Variants in PRKAG3 observed in about 807,000 individuals in gnomAD.
PRKAG3 encodes the protein 5'-AMP-activated protein kinase subunit gamma-3.
Under a neutral mutation model 56.5 loss-of-function variants are expected in PRKAG3, and 39 were observed. That is an observed-to-expected ratio of 0.69 (90% CI 0.53 to 0.90). The LOEUF (loss-of-function observed/expected upper bound fraction) is 0.90, where lower values mean the gene tolerates loss of function less well. Ranked by LOEUF, PRKAG3 falls within the 40% of genes least tolerant of loss-of-function variation. PRKAG3 has a pLI of 0.00. For missense variants in PRKAG3, 628 were observed against 627.5 expected, an observed-to-expected ratio of 1.00 and a Z score of -0.01; for synonymous variants, 243 against 250.1, an observed-to-expected ratio of 0.97 and a Z score of 0.27.
At chr2:218,830,781 G>C in exon 3 of PRKAG3, 1 of 1,612,808 alleles carries the variant, frequency 6.2e-7, no homozygotes, top group Non-Finnish European at 8.5e-7. Context: ...TTCCTCCACC[G>C]ACTTCTGCCT....
chr2:218,827,921 C>A lies in PRKAG3; in HGVS notation c.775-43G>T. 6.2e-7 allele frequency: 1 copy of A among 1,612,384 alleles called. No individual in the cohort carries two copies. The highest frequency in any genetic ancestry group is 8.5e-7 in the Non-Finnish European group (1 of 1,178,806). On this transcript the variant is annotated intron_variant, in intron 6 of 12. Transcript: ENST00000529249. This position sits in a 1 kb window ranked among gnomAD's most constrained non-coding sequence, Gnocchi z 5.3. ...ACTCCAGAAGTCAGAAAGACGTGGG[C>A]TTCTAGGGCACCAGGCTCCAGGAGG...
At chr2:218,824,404 C>T (rs1943901342) in intron 11 of PRKAG3, 36 bp from the exon 12 acceptor site, 1 of 1,613,900 alleles carries the variant, frequency 6.2e-7, no homozygotes, top group South Asian at 1.1e-5. Context: ...CCTAGTCACC[C>T]CCTTGCCTGG....
downstream of PRKAG3, chr2:218,823,024 G>A (rs560758977): frequency 1.0e-6 from 1 of 984,652 alleles, no homozygotes; most frequent in Admixed American, 6.0e-5. Flanking sequence ...GCATGCCCGA[G>A]GGCTTCTGGG....
chr2:218,826,895 C>T, intron 10 of PRKAG3, 33 bp downstream of exon 10: 1 of 1,613,284 alleles, frequency 6.2e-7, no homozygotes, highest in Non-Finnish European at 8.5e-7. Flanking sequence ...AGGCCCCAGC[C>T]CAGCCCGAGC....
At position 218,827,706 on chromosome 2, in the gene PRKAG3, G is replaced by C; in HGVS notation, c.821-77C>G. ...TGCAGTCCCAGGCAGCTTCCCTTCC[G>C]TCAGGCACCCGAGGCTCCTATTGTC... On this transcript the variant is annotated intron_variant, in intron 7 of 12. Coordinates refer to ENST00000529249, the Ensembl canonical transcript of PRKAG3. This position sits in a 1 kb window ranked among gnomAD's most constrained non-coding sequence, Gnocchi z 5.3. 1.3e-6 allele frequency: 2 copies of C among 1,574,162 alleles called. No individual in the cohort carries two copies. The highest frequency in any genetic ancestry group is 1.7e-6 in the Non-Finnish European group (2 of 1,144,152).
chr2:218,831,457 A>G (rs1944018519), intron 1 of PRKAG3, 82 bp from the exon 2 acceptor site: 9 of 1,248,110 alleles, frequency 7.2e-6, no homozygotes, highest in Non-Finnish European at 1.0e-5. Flanking sequence ...ACGCCTACAC[A>G]CCCATGCACA....
intron 10 of PRKAG3, among the ~76,000 whole-genome samples, chr2:218,826,427 T>C (rs1943933526): frequency 6.6e-6 from 1 of 152,210 alleles, no homozygotes; most frequent in Non-Finnish European, 1.5e-5. Context: ...CGAGGTCCCA[T>C]GGCACATTTA....
In PRKAG3 at chr2:218,825,763, CTTTT is replaced by C. The variant is rs575179216; in HGVS notation, c.1168+1161_1168+1164del. Among the ~76,000 whole-genome samples the C allele has an allele frequency of 5.2e-4, 70 of 134,950 alleles. 1 individual carries two copies. The highest frequency in any genetic ancestry group is 1.8e-3 in the African/African-American group (68 of 36,926). The allele number at this position is 134,950 out of a possible 152,430, so 88.5% of individuals were successfully genotyped here. On this transcript the variant is annotated intron_variant, in intron 10 of 12. Coordinates refer to ENST00000529249, the Ensembl canonical transcript of PRKAG3. The stretch of plus-strand genomic sequence containing the variant: ...GTTTTGTTTGGTGGTATAAAATGCA[CTTTT>C]TTTTTTTTTTTTTGGAGTCTCGCTC...
chr2:218,822,910 A>G (rs1943875984), downstream of PRKAG3: 3 of 985,450 alleles, frequency 3.0e-6, no homozygotes, highest in African/African-American at 3.5e-5. Flanking sequence ...ATGGGCGGGC[A>G]TGGAGCACAG....
At chr2:218,831,762 G>T (rs60578863) in exon 1 of PRKAG3, 1 of 1,610,330 alleles carries the variant, frequency 6.2e-7, no homozygotes, top group South Asian at 1.1e-5. Context: ...GCTCCAGCCC[G>T]GGCTCCATGT....
chr2:218,828,567 C>G, exon 5 of PRKAG3: 1 of 1,613,782 alleles, frequency 6.2e-7, no homozygotes, highest in Non-Finnish European at 8.5e-7. Context: ...GCCCGCACAC[C>G]GTTGGCCACC....
rs576657275 is a variant in PRKAG3, at chr2:218,830,451, A to G, written c.230-70T>C. ...AAGCACGTTCTCATCTGCTGTCGCCATTCATCTCACAGCAGCAGTGGGAAG... is the reference window on the plus strand; with the variant it reads ...AAGCACGTTCTCATCTGCTGTCGCCGTTCATCTCACAGCAGCAGTGGGAAG... On this transcript the variant is annotated intron_variant, in intron 3 of 12. Transcript: ENST00000529249. The G allele has an allele frequency of 6.4e-5, 98 of 1,532,498 alleles. No individual in the cohort carries two copies. In the African/African-American group the frequency reaches 1.1e-3, roughly 18 times the overall value. The allele number at this position is 1,532,498 out of a possible 1,614,324, so 94.9% of individuals were successfully genotyped here.
intron 10 of PRKAG3, among the ~76,000 whole-genome samples, chr2:218,825,079 A>C (rs1943912907): frequency 6.6e-6 from 1 of 152,160 alleles, no homozygotes; most frequent in Non-Finnish European, 1.5e-5. Context: ...ATCAACTATG[A>C]AAAATACATT....
intron 10 of PRKAG3, among the ~76,000 whole-genome samples, chr2:218,825,598 A>C (rs1943920464): frequency 6.6e-6 from 1 of 151,030 alleles, no homozygotes; most frequent in African/African-American, 2.4e-5. Flanking sequence ...CAGTGAGCCG[A>C]GATGGCACCA....
rs374097331 is a variant in PRKAG3, at chr2:218,829,864, CA to C, written c.633+113del. ...CCATAGTGCTAAGAAGGAGTCCTTT[CA>C]GGGGGCTTGCAGGGGCACCTGGCTC... On this transcript the variant is annotated intron_variant, in intron 4 of 12. Transcript: ENST00000529249. 4.2e-4 allele frequency: 565 copies of C among 1,343,694 alleles called. 3 individuals are homozygous for C. In the African/African-American group the frequency reaches 7.5e-3, roughly 18 times the overall value. The allele number at this position is 1,343,694 out of a possible 1,614,324, so 83.2% of individuals were successfully genotyped here.
Position 218,831,790 on chromosome 2 carries a change from C to T in PRKAG3, c.-20G>A, listed in dbSNP as rs374588882. ...CTCCATGTGGCCAGCCCCAGACCAA[C>T]TGAGAGCAAGTGTGCGACACTGTGG... On this transcript the variant is annotated 5_prime_UTR_variant, in exon 1 of 13. Transcript: ENST00000529249. The T allele has an allele frequency of 4.4e-6, 7 of 1,606,592 alleles. No homozygotes were observed. In the African/African-American group the frequency reaches 9.3e-5, roughly 21 times the overall value.
At chr2:218,830,276 G>C in exon 4 of PRKAG3, 1 of 1,613,688 alleles carries the variant, frequency 6.2e-7, no homozygotes. Flanking sequence ...GTCCCACCCT[G>C]TTGGTGGAGT....
At position 218,827,428 on chromosome 2, in the gene PRKAG3, T is replaced by C; in HGVS notation, c.876-55A>G. ...GCAGCCTAGGGAGAGACAACCTCCA[T>C]CCCAGGCCCCTAAAAAGGAGGGCAG... On this transcript the variant is annotated intron_variant, in intron 8 of 12. Coordinates refer to ENST00000529249, the Ensembl canonical transcript of PRKAG3. The surrounding 1 kb of genome is among the most constrained non-coding windows in gnomAD (Gnocchi z 5.3). 1.9e-6 allele frequency: 3 copies of C among 1,612,724 alleles called. No individual in the cohort carries two copies. The highest frequency in any genetic ancestry group is 2.5e-6 in the Non-Finnish European group (3 of 1,179,004).
chr2:218,830,284 A>T, exon 4 of PRKAG3: 1 of 1,613,476 alleles, frequency 6.2e-7, no homozygotes, highest in African/African-American at 1.3e-5. Flanking sequence ...CTGTTGGTGG[A>T]GTGCCCACCC....
Sources: gnomAD v4.1 joint callset for allele counts (sites outside exome capture counted in the v4.1 genomes callset) on GRCh38, gnomAD v4.1.1 for gene constraint, Gnocchi (gnomAD v3.1) non-coding constraint, MANE v1.5 for transcripts, NCBI Gene and HGNC (gene_info 2026-07-23, HGNC 2026-07-21) for gene names.